Variants in IL1RAPL1 observed in about 807,000 individuals in gnomAD.
The protein encoded by IL1RAPL1 is interleukin 1 receptor accessory protein like 1.
A neutral mutation model predicts 48.4 loss-of-function variants in IL1RAPL1; 3 were observed. That is an observed-to-expected ratio of 0.06 (90% confidence interval 0.03 to 0.16). IL1RAPL1 has a LOEUF of 0.16. Among genes scored for constraint, IL1RAPL1 ranks in the 10% least tolerant of loss-of-function variants. The pLI is 1.00. For synonymous variants in IL1RAPL1, 185 were observed against 187.7 expected (o/e 0.99, Z 0.12); for missense variants, 349 against 530.6 (o/e 0.66, Z 3.36).
chrX:28,794,500 G>A (rs1050765456), intron 2 of IL1RAPL1, among the ~76,000 whole-genome samples: 4 of 111,538 alleles, frequency 3.6e-5, no homozygotes, highest in Non-Finnish European at 7.5e-5. Context: ...ATGGAGAAGA[G>A]TAAGTGGCTG....
intron 1 of IL1RAPL1, among the ~76,000 whole-genome samples, chrX:28,699,399 A>G (rs1241677014): frequency 8.9e-6 from 1 of 112,528 alleles, no homozygotes; most frequent in African/African-American, 3.2e-5. Context: ...TTTCATCAAA[A>G]TAAGGCATTG....
intron 2 of IL1RAPL1, among the ~76,000 whole-genome samples, chrX:29,166,948 T>C (rs989673877): frequency 6.2e-5 from 7 of 112,454 alleles, no homozygotes; most frequent in Non-Finnish European, 1.3e-4. Flanking sequence ...GGAAAGCTTT[T>C]TCTTCAAAGA....
At chrX:29,330,524 C>T (rs775701308) in intron 3 of IL1RAPL1, among the ~76,000 whole-genome samples, 6 of 111,523 alleles carry the variant, frequency 5.4e-5, no homozygotes, top group Non-Finnish European at 1.1e-4. Context: ...AGAATAAAGA[C>T]AGAATGAGGT....
At chrX:29,808,807 ACT>A (rs766227531) in intron 6 of IL1RAPL1, among the ~76,000 whole-genome samples, 16 of 110,812 alleles carry the variant, frequency 1.4e-4, no homozygotes, top group Non-Finnish European at 2.8e-4. Flanking sequence ...TTATGTGGTG[ACT>A]CTCTATCTCC....
chrX:29,027,939 T>TGC lies in IL1RAPL1; in HGVS notation c.82+238515_82+238516insCG, dbSNP rs1926523034. On this transcript the variant is annotated intron_variant, in intron 2 of 10. Transcript: ENST00000378993. The stretch of plus-strand genomic sequence containing the variant: ...ATTTCTTTTTGTGTGTGTGTGTGTG[T>TGC]GTGTGTGTGTATATTATATATATAT... Among the ~76,000 whole-genome samples, 4 of 110,320 alleles carry TGC rather than the reference T, an allele frequency of 3.6e-5. No homozygotes were observed. The Admixed American group carries it at 3.9e-4, about 11-fold the overall frequency.
intron 2 of IL1RAPL1, among the ~76,000 whole-genome samples, chrX:28,935,414 C>T (rs1323442401): frequency 1.8e-5 from 2 of 111,587 alleles, no homozygotes; most frequent in African/African-American, 6.5e-5. Context: ...AACCTGGCAC[C>T]TTTGTTAAAA....
At chrX:29,802,624 A>G (rs892308922) in intron 6 of IL1RAPL1, among the ~76,000 whole-genome samples, 1 of 105,212 alleles carries the variant, frequency 9.5e-6, no homozygotes, top group Admixed American at 1.1e-4. Flanking sequence ...TAGAACAACA[A>G]AAGGAATTTG....
intron 6 of IL1RAPL1, among the ~76,000 whole-genome samples, chrX:29,688,222 G>A (rs1489114470): frequency 2.7e-5 from 3 of 112,055 alleles, no homozygotes; most frequent in Admixed American, 1.9e-4. Flanking sequence ...CTGGTGGCCA[G>A]AAGTCTGAAA....
intron 6 of IL1RAPL1, among the ~76,000 whole-genome samples, chrX:29,861,464 A>G (rs1280167044): frequency 9.0e-6 from 1 of 111,446 alleles, no homozygotes; most frequent in East Asian, 2.8e-4. Flanking sequence ...GTAATGCTTT[A>G]ATGAAGAATT....
At chrX:29,245,933 C>G (rs1264716410) in intron 2 of IL1RAPL1, among the ~76,000 whole-genome samples, 1 of 110,992 alleles carries the variant, frequency 9.0e-6, no homozygotes, top group Non-Finnish European at 1.9e-5. Flanking sequence ...TCCTCAGATA[C>G]CAAAACAAAA....
chrX:29,884,495 C>T (rs769422339), intron 6 of IL1RAPL1, among the ~76,000 whole-genome samples: 61 of 111,070 alleles, frequency 5.5e-4, no homozygotes, highest in African/African-American at 2.0e-3. Flanking sequence ...TAGTCCTCTT[C>T]CCCCTAGTCT....
At chrX:29,753,993 TTTTCTC>T (rs1168396196) in intron 6 of IL1RAPL1, among the ~76,000 whole-genome samples, 1 of 111,911 alleles carries the variant, frequency 8.9e-6, no homozygotes, top group Non-Finnish European at 1.9e-5. Flanking sequence ...TTCTTCAACT[TTTTCTC>T]TATTCATTTG....
intron 5 of IL1RAPL1, among the ~76,000 whole-genome samples, chrX:29,591,832 C>T (rs1450235630): frequency 3.6e-5 from 4 of 112,587 alleles, no homozygotes; most frequent in African/African-American, 1.3e-4. Flanking sequence ...TGCCATTTCA[C>T]ACAGGAAGAA....
chrX:29,044,963 G>A (rs1281563757), intron 2 of IL1RAPL1, among the ~76,000 whole-genome samples: 1 of 111,937 alleles, frequency 8.9e-6, no homozygotes, highest in African/African-American at 3.3e-5. Context: ...CTGTGTGCAT[G>A]GGTGTGTGTG....
chrX:28,611,623 G>A (rs781259850), intron 1 of IL1RAPL1, among the ~76,000 whole-genome samples: 3 of 113,098 alleles, frequency 2.7e-5, no homozygotes, highest in South Asian at 7.2e-4. Context: ...TTTCCATTCT[G>A]TAAATCAGAG....
At chrX:28,628,844 T>G (rs776101886) in intron 1 of IL1RAPL1, among the ~76,000 whole-genome samples, 1 of 111,950 alleles carries the variant, frequency 8.9e-6, no homozygotes, top group Non-Finnish European at 1.9e-5. Flanking sequence ...GGTTGACGGG[T>G]TTTATTTTTT....
chrX:29,167,545 G>C (rs1210898584), intron 2 of IL1RAPL1, among the ~76,000 whole-genome samples: 1 of 110,454 alleles, frequency 9.1e-6, no homozygotes, highest in Non-Finnish European at 1.9e-5. Context: ...GCCATAGTTT[G>C]TGAGAAGACA....
At chrX:28,887,328 C>A (rs773441261) in intron 2 of IL1RAPL1, among the ~76,000 whole-genome samples, 1 of 111,822 alleles carries the variant, frequency 8.9e-6, no homozygotes, top group Non-Finnish European at 1.9e-5. Context: ...AAAATGCCAG[C>A]GCCTTGATGT....
chrX:29,059,280 G>A (rs1322083628), intron 2 of IL1RAPL1, among the ~76,000 whole-genome samples: 2 of 111,758 alleles, frequency 1.8e-5, no homozygotes, highest in African/African-American at 6.5e-5. Context: ...TGACTGCAAA[G>A]ATAACAGAAT....
Sources: gnomAD v4.1 joint callset for allele counts (sites outside exome capture counted in the v4.1 genomes callset) on GRCh38, gnomAD v4.1.1 for gene constraint, MANE v1.5 for transcripts, NCBI Gene and HGNC (gene_info 2026-07-23, HGNC 2026-07-21) for gene names.